H4C15: variants seen among roughly 807,000 people sequenced by gnomAD.
The protein encoded by H4C15 is histone H4.
At chr1:149,850,057 G>C (rs1032043531), downstream of H4C15, 2 of 394,684 alleles carry the variant, frequency 5.1e-6, no homozygotes, top group East Asian at 6.0e-5. Flanking sequence ...ACATATTCAC[G>C]GGTACGTAAC....
the H4C15 span, chr1:149,845,267 C>G: frequency 6.6e-6 from 1 of 152,142 alleles, no homozygotes; most frequent in African/African-American, 2.4e-5. Flanking sequence ...GAAAAGAAAC[C>G]ACTGCACATT....
At chr1:149,847,261 T>A in the H4C15 span, 3 of 152,180 alleles carry the variant, frequency 2.0e-5, no homozygotes, top group African/African-American at 7.2e-5. Flanking sequence ...AAAATCCTCT[T>A]GGCTATATAA....
At chr1:149,847,285 G>T in the H4C15 span, 1 of 152,162 alleles carries the variant, frequency 6.6e-6, no homozygotes, top group African/African-American at 2.4e-5. Flanking sequence ...AATATTCACA[G>T]GCTGTAGGGA....
chr1:149,845,863 T>C, the H4C15 span: 4 of 152,200 alleles, frequency 2.6e-5, no homozygotes, highest in African/African-American at 9.7e-5. Context: ...GTTTTTACAC[T>C]GAGCACTTGA....
At chr1:149,850,800 C>G, downstream of H4C15, 1 of 115,702 alleles carries the variant, frequency 8.6e-6, no homozygotes, top group South Asian at 5.0e-5. Context: ...GACACCGACC[C>G]CCGAGAACGC....
chr1:149,849,745 T>C (rs1553757488), downstream of H4C15, among the ~76,000 whole-genome samples: 3 of 152,228 alleles, frequency 2.0e-5, no homozygotes, highest in African/African-American at 4.8e-5. Context: ...GTTATCGGTG[T>C]TAACTCCTGG....
downstream of H4C15, among the ~76,000 whole-genome samples, chr1:149,855,219 CAG>C (rs2092180313): frequency 1.4e-5 from 1 of 72,634 alleles, no homozygotes. Flanking sequence ...GTGTGGGTGA[CAG>C]GGAGTGAGAC....
chr1:149,855,428 G>C (rs1302205244), downstream of H4C15, among the ~76,000 whole-genome samples: 58 of 82,694 alleles, frequency 7.0e-4, no homozygotes, highest in Admixed American at 4.9e-3. Flanking sequence ...TGTGTGTTTA[G>C]AGGGAAACTA....
chr1:149,845,885 A>G, the H4C15 span: 1 of 152,200 alleles, frequency 6.6e-6, no homozygotes, highest in Non-Finnish European at 1.5e-5. Context: ...AAGAGCTGCT[A>G]TTTGCTGATA....
At chr1:149,850,196 C>T, downstream of H4C15, 1 of 709,136 alleles carries the variant, frequency 1.4e-6, no homozygotes. Flanking sequence ...AAATAGTTAT[C>T]TGTGCTTGGT....
chr1:149,849,114 C>A (rs2092157633), downstream of H4C15: 1 of 152,246 alleles, frequency 6.6e-6, no homozygotes, highest in South Asian at 2.1e-4. Context: ...AGCCAAAAAT[C>A]TAGGGGTTTC....
At chr1:149,849,873 A>C (rs932062613), downstream of H4C15, among the ~76,000 whole-genome samples, 1 of 152,190 alleles carries the variant, frequency 6.6e-6, no homozygotes, top group Non-Finnish European at 1.5e-5. Context: ...CCATATATAA[A>C]AGTTGAGCTA....
At chr1:149,846,982 G>C in the H4C15 span, 1 of 152,048 alleles carries the variant, frequency 6.6e-6, no homozygotes, top group African/African-American at 2.4e-5. Flanking sequence ...AATTTTACTC[G>C]GTAGAAATCA....
At chr1:149,850,575 GGAA>G (rs1408872140), downstream of H4C15, 2 of 650,302 alleles carry the variant, frequency 3.1e-6, no homozygotes, top group Admixed American at 2.8e-5. Flanking sequence ...ATGTCGTTGA[GGAA>G]GGAGTTCATG....
chr1:149,858,649 AAGGG>A (rs1237422827), downstream of H4C15, among the ~76,000 whole-genome samples: 3,646 of 81,482 alleles, frequency 0.045, 178 homozygotes, highest in African/African-American at 0.11. Flanking sequence ...GGAAGGAAGG[AAGGG>A]AGGGAGGGAG....
the H4C15 span, chr1:149,848,890 TGTTCACA>T: frequency 6.6e-6 from 1 of 152,278 alleles, no homozygotes; most frequent in Non-Finnish European, 1.5e-5. Flanking sequence ...CTCATTGCTG[TGTTCACA>T]GTTCACAGGT....
At chr1:149,845,171 C>A in the H4C15 span, 1 of 152,002 alleles carries the variant, frequency 6.6e-6, no homozygotes, top group East Asian at 1.9e-4. Flanking sequence ...CCTTTCTTAC[C>A]AAAATTCACA....
downstream of H4C15, among the ~76,000 whole-genome samples, chr1:149,849,279 T>G (rs1553757412): frequency 6.6e-6 from 1 of 152,232 alleles, no homozygotes; most frequent in African/African-American, 2.4e-5. Context: ...CCAGAAAGCT[T>G]AACACAAATA....
chr1:149,848,280 T>A, the H4C15 span: 2 of 152,160 alleles, frequency 1.3e-5, no homozygotes. Flanking sequence ...AGGTCTTTCC[T>A]TTTATCTAGG....
Sources: allele counts gnomAD v4.1 joint callset (sites outside exome capture counted in the v4.1 genomes callset), GRCh38; gene constraint gnomAD v4.1.1; transcripts MANE v1.5; gene names NCBI Gene and HGNC (gene_info 2026-07-23, HGNC 2026-07-21).